The following AMPH variants were observed in gnomAD, a reference collection of about 807,000 sequenced individuals.
AMPH encodes the protein amphiphysin, also known as amphiphysin (Stiff-Mann syndrome with breast cancer 128kD autoantigen).
Under a neutral mutation model 99.1 loss-of-function variants are expected in AMPH, and 49 were observed. The ratio of observed to expected loss-of-function variants is 0.49; its 90% confidence interval spans 0.39 to 0.63. The LOEUF is 0.63. Among genes scored for constraint, AMPH ranks in the 20% least tolerant of loss-of-function variants. The probability of loss-of-function intolerance (pLI) is 0.00; values close to 1 mark genes in which losing one functional copy is unlikely to be tolerated. For synonymous variants in AMPH, 314 were observed against 317.3 expected, an observed-to-expected ratio of 0.99 and a Z score of 0.11; for missense variants, 759 against 863.4, an observed-to-expected ratio of 0.88 and a Z score of 1.52.
At chr7:38,399,737 G>C (rs1425825837) in intron 17 of AMPH, among the ~76,000 whole-genome samples, 1 of 152,204 alleles carries the variant, frequency 6.6e-6, no homozygotes, top group Admixed American at 6.5e-5. Context: ...TGAATCTGCT[G>C]AAAGTACTTC....
intron 1 of AMPH, among the ~76,000 whole-genome samples, chr7:38,551,314 G>A (rs1791172225): frequency 6.6e-6 from 1 of 152,080 alleles, no homozygotes; most frequent in South Asian, 2.1e-4. Context: ...GGAACAATCA[G>A]CAACCAAATC....
At chr7:38,413,171 T>C (rs1282514960) in intron 17 of AMPH, among the ~76,000 whole-genome samples, 1 of 152,214 alleles carries the variant, frequency 6.6e-6, no homozygotes, top group Non-Finnish European at 1.5e-5. Flanking sequence ...ACGACAGATG[T>C]TGAAACTGAC....
At chr7:38,470,653 G>C (rs1787849764) in intron 7 of AMPH, among the ~76,000 whole-genome samples, 1 of 151,820 alleles carries the variant, frequency 6.6e-6, no homozygotes, top group Admixed American at 6.6e-5. Flanking sequence ...TGATCTATCC[G>C]ACCATCTAAT....
intron 1 of AMPH, among the ~76,000 whole-genome samples, chr7:38,601,743 C>G (rs1403966590): frequency 6.6e-6 from 1 of 152,192 alleles, no homozygotes; most frequent in Admixed American, 6.5e-5. Context: ...GTAACTTTGT[C>G]TGAGTGACTC....
At chr7:38,491,658 T>C (rs575938873) in intron 4 of AMPH, among the ~76,000 whole-genome samples, 1 of 152,382 alleles carries the variant, frequency 6.6e-6, no homozygotes, top group Non-Finnish European at 1.5e-5. Flanking sequence ...ATTACTATTA[T>C]TACAACTAGT....
chr7:38,469,605 C>T (rs551940352), intron 7 of AMPH, among the ~76,000 whole-genome samples: 30 of 152,208 alleles, frequency 2.0e-4, no homozygotes, highest in Non-Finnish European at 3.8e-4. Context: ...AGCTCATTTA[C>T]ACTCCATTTC....
rs372798933 is a variant in AMPH, at chr7:38,449,794, G to A, written c.1017+11489C>T. On this transcript the variant is annotated intron_variant, in intron 11 of 20. Transcript: ENST00000356264. ...TGAAAAATAGCAAGAGAAAGAAGAG[G>A]CAGCTGGTCCAGAAATATGTTATGT... Among the ~76,000 whole-genome samples the A allele has an allele frequency of 3.9e-5, 6 of 152,252 alleles. No individual in the cohort carries two copies. In the East Asian group the frequency reaches 7.7e-4, roughly 20 times the overall value.
intron 1 of AMPH, among the ~76,000 whole-genome samples, chr7:38,560,056 T>C (rs1175626189): frequency 6.6e-6 from 1 of 152,272 alleles, no homozygotes; most frequent in Non-Finnish European, 1.5e-5. Context: ...TTTCATTTCC[T>C]GTATGCAGTC....
chr7:38,507,918 G>A (rs1410341537), intron 2 of AMPH, among the ~76,000 whole-genome samples: 2 of 152,186 alleles, frequency 1.3e-5, no homozygotes, highest in South Asian at 2.1e-4. Flanking sequence ...TGCAACGGGT[G>A]TGGGAAATTA....
At chr7:38,565,263 C>T (rs1032516328) in intron 1 of AMPH, among the ~76,000 whole-genome samples, 3 of 152,052 alleles carry the variant, frequency 2.0e-5, no homozygotes, top group African/African-American at 7.2e-5. Flanking sequence ...CCCCTGTTTT[C>T]ATGAGCTATG....
chr7:38,463,145 C>T (rs1230315956), intron 9 of AMPH, 32 bp from the exon 10 acceptor site: 1 of 1,613,838 alleles, frequency 6.2e-7, no homozygotes, highest in South Asian at 1.1e-5. Context: ...GGCAAGGGGC[C>T]TTCTCAAGAA....
chr7:38,451,550 G>C (rs1344769068), intron 11 of AMPH, among the ~76,000 whole-genome samples: 2 of 151,868 alleles, frequency 1.3e-5, no homozygotes. Context: ...CCATTTCCTA[G>C]GAAAGCATAT....
chr7:38,573,886 A>AGTAG (rs1792137194), intron 1 of AMPH, among the ~76,000 whole-genome samples: 1 of 152,178 alleles, frequency 6.6e-6, no homozygotes, highest in South Asian at 2.1e-4. Context: ...AATTTTCATG[A>AGTAG]CTGTCCTAAG....
intron 15 of AMPH, among the ~76,000 whole-genome samples, chr7:38,425,940 A>G (rs1785768297): frequency 6.6e-6 from 1 of 152,182 alleles, no homozygotes; most frequent in African/African-American, 2.4e-5. Flanking sequence ...AAGAATGAGA[A>G]ATTGATGACA....
In AMPH at chr7:38,384,847, G is replaced by C; in HGVS notation, c.2059C>G (p.Pro687Ala). 3.1e-6 allele frequency: 5 copies of C among 1,613,990 alleles called. No homozygotes were observed. The highest frequency in any genetic ancestry group is 4.2e-6 in the Non-Finnish European group (5 of 1,179,926). ...TCTAAGCGTCGGGTGAAGTTCTCTGGAAAGAGGCCTTTGTAGGTGGCAAGG... is the reference window on the plus strand; with the variant it reads ...TCTAAGCGTCGGGTGAAGTTCTCTGCAAAGAGGCCTTTGTAGGTGGCAAGG... Reference protein sequence around the residue: ...RDLATYKGLFPENFTRRLD With the variant: ...RDLATYKGLFAENFTRRLD The change falls in exon 21 of 21, where the codon CCA (proline) becomes GCA (alanine). Residue 687 changes from proline to alanine, a missense_variant. Physicochemically the swap from Pro to Ala is conservative, Grantham distance 27. Transcript: ENST00000356264.
chr7:38,466,100 C>T (rs1787640810), intron 8 of AMPH, 73 bp downstream of exon 8: 1 of 1,186,160 alleles, frequency 8.4e-7, no homozygotes, highest in African/African-American at 1.5e-5. Context: ...AATTCTATCC[C>T]ATTTCATTTG....
intron 1 of AMPH, among the ~76,000 whole-genome samples, chr7:38,624,285 T>A (rs1794167489): frequency 6.6e-6 from 1 of 151,990 alleles, no homozygotes; most frequent in Non-Finnish European, 1.5e-5. Flanking sequence ...CTAAGACAAT[T>A]ATATAATAAT....
At chr7:38,488,883 A>G (rs1030915623) in intron 5 of AMPH, among the ~76,000 whole-genome samples, 1 of 152,170 alleles carries the variant, frequency 6.6e-6, no homozygotes, top group Non-Finnish European at 1.5e-5. Flanking sequence ...GGGTGCACAG[A>G]CTGAAAGACT....
intron 16 of AMPH, 81 bp from the exon 17 acceptor site, chr7:38,418,031 G>A: frequency 6.8e-7 from 1 of 1,459,864 alleles, no homozygotes; most frequent in South Asian, 1.4e-5. Flanking sequence ...GGACAATTAA[G>A]ATTTTCTTTG....
Sources: allele counts gnomAD v4.1 joint callset (sites outside exome capture counted in the v4.1 genomes callset), GRCh38; gene constraint gnomAD v4.1.1; transcripts MANE v1.5; gene names NCBI Gene and HGNC (gene_info 2026-07-23, HGNC 2026-07-21).